Variants in PEAK1 observed in about 807,000 individuals in gnomAD.
PEAK1 encodes the protein inactive tyrosine-protein kinase PEAK1.
A neutral mutation model predicts 124.7 loss-of-function variants in PEAK1; 54 were observed. The observed-to-expected ratio is 0.43, with a 90% CI of 0.35 to 0.54. The LOEUF (loss-of-function observed/expected upper bound fraction) is 0.54. Among genes scored for constraint, PEAK1 ranks in the 20% least tolerant of loss-of-function variants. The pLI, the probability that PEAK1 is intolerant of heterozygous loss-of-function variation, is 0.01. For synonymous variants in PEAK1, 719 were observed against 760.0 expected, an observed-to-expected ratio of 0.95 and a Z score of 0.89; for missense variants, 2,046 against 2,134.5, an observed-to-expected ratio of 0.96 and a Z score of 0.82.
At chr15:77,143,023 A>G (rs2053906810) in intron 8 of PEAK1, among the ~76,000 whole-genome samples, 1 of 152,186 alleles carries the variant, frequency 6.6e-6, no homozygotes, top group African/African-American at 2.4e-5. Context: ...CCATTCTTAG[A>G]AACAACCATC....
intron 8 of PEAK1, among the ~76,000 whole-genome samples, chr15:77,138,861 C>CA (rs34066984): frequency 0.44 from 58,142 of 131,156 alleles, 12,120 homozygotes; most frequent in Non-Finnish European, 0.48. Context: ...GACTCTGTCT[C>CA]AAAAAAAAAA....
chr15:77,377,247 G>A (rs542638864), intron 1 of PEAK1, among the ~76,000 whole-genome samples: 1 of 152,190 alleles, frequency 6.6e-6, no homozygotes, highest in East Asian at 1.9e-4. Context: ...AGCTGGGCAT[G>A]GTAGCACATG....
intron 8 of PEAK1, among the ~76,000 whole-genome samples, chr15:77,143,383 A>G (rs2053938100): frequency 1.3e-5 from 2 of 151,996 alleles, no homozygotes; most frequent in Admixed American, 6.6e-5. Context: ...TACCTCCCTC[A>G]CCACACAAAC....
intron 6 of PEAK1, among the ~76,000 whole-genome samples, chr15:77,250,204 T>TATATATGTATATATATACAC (rs1406064369): frequency 8.6e-5 from 10 of 115,824 alleles, no homozygotes; most frequent in African/African-American, 2.7e-4. Flanking sequence ...TATATATACA[T>TATATATGTATATATATACAC]ATATATGTAT....
intron 1 of PEAK1, among the ~76,000 whole-genome samples, chr15:77,382,007 T>C (rs1857633776): frequency 6.6e-6 from 1 of 152,200 alleles, no homozygotes; most frequent in African/African-American, 2.4e-5. Context: ...GGATACAATA[T>C]ATCAAAAACC....
intron 1 of PEAK1, among the ~76,000 whole-genome samples, chr15:77,415,555 T>C (rs1024429512): frequency 6.6e-6 from 1 of 152,150 alleles, no homozygotes. Flanking sequence ...GCCACAGCAC[T>C]TGGCCTCACA....
At chr15:77,178,646 A>T in intron 7 of PEAK1, 144 bp downstream of exon 7, 1 of 778,250 alleles carries the variant, frequency 1.3e-6, no homozygotes, top group Non-Finnish European at 2.0e-6. Flanking sequence ...CTAATCTTGG[A>T]ATGCAGTTAT....
intron 8 of PEAK1, among the ~76,000 whole-genome samples, chr15:77,139,063 G>A (rs1427224612): frequency 6.6e-6 from 1 of 152,030 alleles, no homozygotes; most frequent in Non-Finnish European, 1.5e-5. Flanking sequence ...GTTAAGATGA[G>A]GTCATTAGAG....
At chr15:77,282,398 C>T (rs887138631) in intron 5 of PEAK1, among the ~76,000 whole-genome samples, 1 of 152,094 alleles carries the variant, frequency 6.6e-6, no homozygotes, top group Admixed American at 6.5e-5. Flanking sequence ...CAACATGACT[C>T]ATTAAAAAAA....
chr15:77,281,787 G>C (rs1404625518), intron 5 of PEAK1, among the ~76,000 whole-genome samples: 1 of 152,006 alleles, frequency 6.6e-6, no homozygotes, highest in Non-Finnish European at 1.5e-5. Context: ...ATAACTACTT[G>C]AATATTTATA....
intron 2 of PEAK1, chr15:77,355,904 T>A: frequency 1.0e-6 from 1 of 985,356 alleles, no homozygotes; most frequent in Non-Finnish European, 1.2e-6. Context: ...GAAAAACCCC[T>A]GGGTTGACTA....
At chr15:77,154,934 C>T (rs1357336040) in intron 8 of PEAK1, among the ~76,000 whole-genome samples, 1 of 152,046 alleles carries the variant, frequency 6.6e-6, no homozygotes. Context: ...TCCTTCATTT[C>T]AACTTTGGTG....
intron 8 of PEAK1, among the ~76,000 whole-genome samples, chr15:77,134,395 T>C (rs758971168): frequency 5.9e-5 from 9 of 152,228 alleles, no homozygotes; most frequent in Non-Finnish European, 1.5e-5. Flanking sequence ...ATTCCTGTGA[T>C]TGTGGTAAGG....
At chr15:77,371,057 A>T in intron 1 of PEAK1, 1 of 931,628 alleles carries the variant, frequency 1.1e-6, no homozygotes, top group Non-Finnish European at 1.3e-6. Context: ...AAAGAAAGAA[A>T]GAAAAATCCA....
intron 2 of PEAK1, chr15:77,350,118 C>G (rs1677490144): frequency 1.0e-6 from 1 of 985,360 alleles, no homozygotes; most frequent in Non-Finnish European, 1.2e-6. Context: ...GGTCTCTGTT[C>G]AAAGCCACTT....
rs527368143 is a variant in PEAK1, at chr15:77,276,948, C to T, written c.-275+6935G>A. Among the ~76,000 whole-genome samples, 5 of 152,098 alleles carry T rather than the reference C, an allele frequency of 3.3e-5. No individual in the cohort carries two copies. The South Asian group carries it at 1.0e-3, about 32-fold the overall frequency. On this transcript the variant is annotated intron_variant, in intron 5 of 9. Coordinates refer to ENST00000682557, the MANE Select transcript of PEAK1 (RefSeq NM_001385026.1). The stretch of plus-strand genomic sequence containing the variant: ...CTGGAAGTGATAAAATGTAGCATCA[C>T]CAAGTAGCACTGTAGTACAGCCGAC...
intron 2 of PEAK1, among the ~76,000 whole-genome samples, chr15:77,313,682 G>GTATATATATATATA (rs1567244747): frequency 2.5e-5 from 3 of 118,612 alleles, no homozygotes; most frequent in African/African-American, 1.2e-4. Flanking sequence ...GTGTGTGTGT[G>GTATATATATATATA]TGTGTGTGTG....
intron 2 of PEAK1, among the ~76,000 whole-genome samples, chr15:77,344,354 A>G (rs1214688266): frequency 6.6e-6 from 1 of 152,072 alleles, no homozygotes; most frequent in Non-Finnish European, 1.5e-5. Flanking sequence ...CTGGCCTCCC[A>G]AAGTACTGGG....
intron 6 of PEAK1, among the ~76,000 whole-genome samples, chr15:77,199,950 A>G (rs1190040820): frequency 6.6e-6 from 1 of 152,226 alleles, no homozygotes; most frequent in Non-Finnish European, 1.5e-5. Flanking sequence ...AAAGCAAACA[A>G]TGGAAGAAAG....
Sources: allele counts gnomAD v4.1 joint callset (sites outside exome capture counted in the v4.1 genomes callset), GRCh38; gene constraint gnomAD v4.1.1; transcripts MANE v1.5; gene names NCBI Gene and HGNC (gene_info 2026-07-23, HGNC 2026-07-21).